FER1L6: variants seen among roughly 807,000 people sequenced by gnomAD.
FER1L6 encodes fer-1 like family member 6.
A neutral mutation model predicts 219.2 loss-of-function variants in FER1L6; 177 were observed. The observed-to-expected ratio is 0.81, with a 90% CI of 0.71 to 0.91. The LOEUF is 0.91. FER1L6 is among the 40% of genes least tolerant of loss of function. The pLI is 0.00. For missense variants in FER1L6, 2,153 were observed against 2,259.9 expected, an observed-to-expected ratio of 0.95 and a Z score of 0.96; for synonymous variants, 768 against 824.3, an observed-to-expected ratio of 0.93 and a Z score of 1.17.
In FER1L6 at chr8:124,103,215, A is replaced by G. The variant is rs1271361333; in HGVS notation, c.5195A>G (p.Lys1732Arg). The change falls in exon 39 of 41, where the codon AAG (lysine) becomes AGG (arginine). Residue 1732 changes from lysine (K) to arginine (R), a missense_variant. Coordinates refer to ENST00000522917, the MANE Select transcript of FER1L6 (RefSeq NM_001039112.2). ...TCTGCCAAAGCCTGTGATCTTGCCA[A>G]GTTTGAAAATGCAAGTGAGGAGACC... ...AKSAKACDLAKFENASEETKI... is the reference protein window; with the variant it reads ...AKSAKACDLARFENASEETKI... The G allele has an allele frequency of 1.9e-6, 3 of 1,614,124 alleles. No homozygotes were observed. Among genetic ancestry groups the G allele is most frequent in the Non-Finnish European group, 2.5e-6 (3 of 1,179,980 alleles).
intron 18 of FER1L6, among the ~76,000 whole-genome samples, chr8:124,030,543 T>C (rs1818911909): frequency 6.6e-6 from 1 of 152,050 alleles, no homozygotes; most frequent in South Asian, 2.1e-4. Flanking sequence ...AGGAAGGAGC[T>C]AGATGCTCTC....
At chr8:124,005,117 T>C (rs569873194) in intron 13 of FER1L6, among the ~76,000 whole-genome samples, 29 of 152,026 alleles carry the variant, frequency 1.9e-4, no homozygotes, top group Non-Finnish European at 3.8e-4. Context: ...AGATATGCCA[T>C]TTAAAAATTC....
At chr8:124,104,618 C>A (rs1822687419) in intron 39 of FER1L6, among the ~76,000 whole-genome samples, 1 of 152,192 alleles carries the variant, frequency 6.6e-6, no homozygotes, top group African/African-American at 2.4e-5. Flanking sequence ...GATCAAAATT[C>A]CTGAGCACAG....
chr8:123,979,032 C>G (rs1488300463), intron 10 of FER1L6, among the ~76,000 whole-genome samples: 1 of 152,156 alleles, frequency 6.6e-6, no homozygotes, highest in Non-Finnish European at 1.5e-5. Context: ...ATCTTTCTAT[C>G]CTTTTCAATA....
intron 17 of FER1L6, among the ~76,000 whole-genome samples, chr8:124,023,114 A>T (rs970131356): frequency 2.6e-5 from 4 of 152,034 alleles, no homozygotes; most frequent in Non-Finnish European, 5.9e-5. Context: ...ATGTGGTTTC[A>T]CCATACTGGC....
In FER1L6 at chr8:123,853,712, G is replaced by A. The variant is rs1816570329; in HGVS notation, c.-8+1527G>A. On this transcript the variant is annotated intron_variant, in intron 1 of 40. Transcript: ENST00000522917. The surrounding 1 kb of genome is among the most constrained non-coding windows in gnomAD (Gnocchi z 6.6). ...CACGTATGCAGGTGACATGCTCATG[G>A]CTATGATGAAGACCTGGAGGAGGAA... is the stretch of plus-strand genomic sequence containing the variant. Among the ~76,000 whole-genome samples the A allele has an allele frequency of 6.6e-6, 1 of 152,160 alleles. No homozygotes were observed. The highest frequency in any genetic ancestry group is 2.1e-4 in the South Asian group (1 of 4,826).
At chr8:123,943,587 C>T (rs1292812775) in intron 1 of FER1L6, among the ~76,000 whole-genome samples, 1 of 152,178 alleles carries the variant, frequency 6.6e-6, no homozygotes, top group Non-Finnish European at 1.5e-5. Context: ...ACAGTGGTGG[C>T]TGCTGCCCTT....
chr8:124,105,538 TA>T (rs1400842939), intron 39 of FER1L6, among the ~76,000 whole-genome samples: 1 of 151,346 alleles, frequency 6.6e-6, no homozygotes, highest in Non-Finnish European at 1.5e-5. Context: ...GAAAAAAGAG[TA>T]AAAATGTGCT....
At chr8:123,981,775 C>G (rs1816337341) in intron 11 of FER1L6, among the ~76,000 whole-genome samples, 1 of 152,120 alleles carries the variant, frequency 6.6e-6, no homozygotes, top group African/African-American at 2.4e-5. Context: ...TAACACCTCT[C>G]TGTGTTTTAG....
chr8:123,858,075 G>A (rs182721745), intron 1 of FER1L6, among the ~76,000 whole-genome samples: 11 of 152,184 alleles, frequency 7.2e-5, no homozygotes, highest in African/African-American at 2.6e-4. Flanking sequence ...CCTCCTTCAT[G>A]GGAAACAGGA....
At chr8:123,974,659 C>CAAAAAAAAAAAAAAAAAA (rs994690186) in intron 7 of FER1L6, among the ~76,000 whole-genome samples, 90 of 47,766 alleles carry the variant, frequency 1.9e-3, no homozygotes, top group Middle Eastern at 0.014. Flanking sequence ...GACTCTGTCT[C>CAAAAAAAAAAAAAAAAAA]AAAAAAAAAA....
chr8:123,966,987 C>A (rs1480821964), intron 5 of FER1L6, among the ~76,000 whole-genome samples: 1 of 148,410 alleles, frequency 6.7e-6, no homozygotes, highest in Non-Finnish European at 1.5e-5. Flanking sequence ...GAGGCTGCAG[C>A]AGAAGAATGG....
intron 39 of FER1L6, among the ~76,000 whole-genome samples, chr8:124,116,931 A>T (rs1823273558): frequency 6.6e-6 from 1 of 152,242 alleles, no homozygotes; most frequent in Non-Finnish European, 1.5e-5. Context: ...TTAGAGCCAG[A>T]TAGCCCTAGA....
intron 18 of FER1L6, among the ~76,000 whole-genome samples, chr8:124,031,700 C>T (rs759147151): frequency 2.2e-4 from 34 of 152,040 alleles, no homozygotes; most frequent in Non-Finnish European, 4.4e-4. Flanking sequence ...GTGAATGGGA[C>T]TGAGAGATAA....
At chr8:123,937,160 C>T (rs1254250434) in intron 1 of FER1L6, among the ~76,000 whole-genome samples, 1 of 152,138 alleles carries the variant, frequency 6.6e-6, no homozygotes, top group Non-Finnish European at 1.5e-5. Context: ...GTCCACCTCG[C>T]CCTCCCAGAG....
chr8:123,855,287 T>G (rs924569606), intron 1 of FER1L6, among the ~76,000 whole-genome samples: 2 of 152,158 alleles, frequency 1.3e-5, no homozygotes, highest in Non-Finnish European at 2.9e-5. Context: ...GGATAGTAGG[T>G]GGCCACAAAA....
intron 27 of FER1L6, 112 bp downstream of exon 27, chr8:124,066,662 T>C: frequency 8.4e-7 from 1 of 1,185,854 alleles, no homozygotes; most frequent in Non-Finnish European, 1.2e-6. Flanking sequence ...ACATAGACCC[T>C]ACTCAGGTGT....
Position 123,859,658 on chromosome 8 carries a change from G to A in FER1L6, c.-8+7473G>A, listed in dbSNP as rs576429921. Among the ~76,000 whole-genome samples the A allele has an allele frequency of 2.3e-3, 317 of 135,958 alleles. 3 individuals carry two copies. Among genetic ancestry groups the A allele is most frequent in the African/African-American group, 8.5e-3 (300 of 35,360 alleles). 89.2% of individuals were successfully genotyped at this position (135,958 alleles called of 152,430 possible). On this transcript the variant is annotated intron_variant, in intron 1 of 40. Coordinates refer to ENST00000522917, the MANE Select transcript of FER1L6 (RefSeq NM_001039112.2). The stretch of plus-strand genomic sequence containing the variant: ...GCTGGTGCGCTGCACCCACTAACTC[G>A]TCATCTAGCATTAGGTATATCTCCC...
intron 1 of FER1L6, among the ~76,000 whole-genome samples, chr8:123,872,729 T>C (rs370604909): frequency 1.3e-5 from 2 of 152,196 alleles, no homozygotes; most frequent in African/African-American, 4.8e-5. Context: ...GCATACCTGA[T>C]AGAGAATTCC....
Sources: gnomAD v4.1 joint callset for allele counts (sites outside exome capture counted in the v4.1 genomes callset) on GRCh38, gnomAD v4.1.1 for gene constraint, Gnocchi (gnomAD v3.1) non-coding constraint, MANE v1.5 for transcripts, NCBI Gene and HGNC (gene_info 2026-07-23, HGNC 2026-07-21) for gene names.